KCNK2: variants seen among roughly 807,000 people sequenced by gnomAD.
The protein encoded by KCNK2 is potassium two pore domain channel subfamily K member 2.
In KCNK2, 21 loss-of-function variants were observed where a neutral mutation model predicts 40.5. The observed-to-expected ratio is 0.52, with a 90% CI of 0.37 to 0.75. The LOEUF is 0.75. Among genes scored for constraint, KCNK2 ranks in the 30% least tolerant of loss-of-function variants. KCNK2 has a pLI of 0.00. For synonymous variants in KCNK2, 191 were observed against 202.2 expected (o/e 0.94, Z 0.47); for missense variants, 399 against 531.6 (o/e 0.75, Z 2.45).
intron 2 of KCNK2, among the ~76,000 whole-genome samples, chr1:215,115,897 T>C (rs2102569556): frequency 6.6e-6 from 1 of 151,940 alleles, no homozygotes; most frequent in East Asian, 1.9e-4. Context: ...GCCGCTTCAG[T>C]GTGCTTGCTT....
At chr1:215,047,400 A>C (rs1657813946) in intron 1 of KCNK2, among the ~76,000 whole-genome samples, 1 of 152,110 alleles carries the variant, frequency 6.6e-6, no homozygotes, top group Non-Finnish European at 1.5e-5. Context: ...TTTAGAGTTG[A>C]GGCATAGTAA....
intron 6 of KCNK2, among the ~76,000 whole-genome samples, chr1:215,226,757 GA>G (rs1360764777): frequency 2.0e-5 from 3 of 151,716 alleles, no homozygotes; most frequent in African/African-American, 7.3e-5. Flanking sequence ...AAGCAGAAAG[GA>G]AAAAAGAAAG....
intron 3 of KCNK2, among the ~76,000 whole-genome samples, chr1:215,142,088 TCTACTC>T (rs541862121): frequency 3.3e-5 from 5 of 152,182 alleles, no homozygotes; most frequent in Non-Finnish European, 7.4e-5. Context: ...CTATTTCTCT[TCTACTC>T]CTTAATTACA....
intron 3 of KCNK2, among the ~76,000 whole-genome samples, chr1:215,153,910 C>T (rs1050053379): frequency 2.0e-5 from 3 of 152,142 alleles, no homozygotes; most frequent in Admixed American, 6.5e-5. Context: ...CATGTTCCTG[C>T]AAAGGACATG....
intron 5 of KCNK2, among the ~76,000 whole-genome samples, chr1:215,193,765 T>A (rs534754844): frequency 6.6e-6 from 1 of 152,184 alleles, no homozygotes; most frequent in Non-Finnish European, 1.5e-5. Flanking sequence ...GGAGTTAAGA[T>A]CAAATCTTTA....
chr1:215,183,195 A>G (rs1002365660), intron 5 of KCNK2, among the ~76,000 whole-genome samples: 1 of 152,094 alleles, frequency 6.6e-6, no homozygotes, highest in Non-Finnish European at 1.5e-5. Flanking sequence ...CATCTTGGGG[A>G]AAAAAATGAA....
intron 1 of KCNK2, among the ~76,000 whole-genome samples, chr1:215,077,584 A>G (rs1658989414): frequency 1.3e-5 from 2 of 152,064 alleles, no homozygotes; most frequent in Admixed American, 6.5e-5. Context: ...TCTGCGATGA[A>G]AATTCATCCA....
rs947301033 is a variant in KCNK2, at chr1:215,103,740, T to A, written c.357+17062T>A. 6.6e-5 allele frequency among the ~76,000 whole-genome samples: 10 copies of A among 152,226 alleles called. No individual in the cohort carries two copies. The East Asian group carries it at 1.9e-3, about 29-fold the overall frequency. ...CTTGGACAGCTGTACTGTGCTATTA[T>A]GCAAATAAGTATTTTTTGACGGGAC... On this transcript the variant is annotated intron_variant, in intron 2 of 6. Transcript: ENST00000444842.
chr1:215,016,120 T>G (rs1250400617), intron 1 of KCNK2, among the ~76,000 whole-genome samples: 2 of 151,988 alleles, frequency 1.3e-5, no homozygotes, highest in Admixed American at 6.6e-5. Flanking sequence ...AAACAACAAA[T>G]TAGGGATCTA....
intron 3 of KCNK2, among the ~76,000 whole-genome samples, chr1:215,149,697 C>T (rs74140935): frequency 6.6e-6 from 1 of 152,064 alleles, no homozygotes; most frequent in Non-Finnish European, 1.5e-5. Context: ...GTACGAAGTG[C>T]AGATAAAACT....
chr1:215,225,606 TGTCA>T (rs1426055431), intron 6 of KCNK2, among the ~76,000 whole-genome samples: 4 of 152,218 alleles, frequency 2.6e-5, no homozygotes, highest in Admixed American at 1.3e-4. Flanking sequence ...AGGAGGGCTA[TGTCA>T]GTCAATGGTC....
At chr1:215,185,430 TAGC>T (rs1558129661) in intron 5 of KCNK2, among the ~76,000 whole-genome samples, 1 of 152,142 alleles carries the variant, frequency 6.6e-6, no homozygotes, top group African/African-American at 2.4e-5. Context: ...AACGGCTGGG[TAGC>T]AGATGTGTGC....
chr1:215,166,123 G>T (rs894531977), intron 3 of KCNK2, among the ~76,000 whole-genome samples: 3 of 152,078 alleles, frequency 2.0e-5, no homozygotes, highest in African/African-American at 2.4e-5. Context: ...TAAACATGCA[G>T]TTACCTCACA....
At chr1:215,049,561 C>T (rs963018053) in intron 1 of KCNK2, among the ~76,000 whole-genome samples, 2 of 151,986 alleles carry the variant, frequency 1.3e-5, no homozygotes, top group Admixed American at 6.6e-5. Context: ...GTCAAATAAC[C>T]CTTTTCATGG....
In KCNK2 at chr1:215,032,493, G is replaced by A. The variant is rs971269096; in HGVS notation, c.34+26538G>A. Among the ~76,000 whole-genome samples, 10 of 151,972 alleles carry A rather than the reference G, an allele frequency of 6.6e-5. No homozygotes were observed. In the East Asian group the frequency reaches 1.5e-3, roughly 24 times the overall value. ...TCTTTCACTTAAACTCTGCCTTTCT[G>A]TATGTAGATTTGAGTTTCTGATCCA... On this transcript the variant is annotated intron_variant, in intron 1 of 6. Transcript: ENST00000391895.
At chr1:215,122,849 A>G (rs1387032414) in intron 2 of KCNK2, among the ~76,000 whole-genome samples, 1 of 144,798 alleles carries the variant, frequency 6.9e-6, no homozygotes, top group Non-Finnish European at 1.5e-5. Flanking sequence ...GGTTCACACC[A>G]TTCTCCTGCC....
intron 6 of KCNK2, among the ~76,000 whole-genome samples, chr1:215,233,660 C>G (rs1168482379): frequency 6.6e-6 from 1 of 152,058 alleles, no homozygotes; most frequent in Non-Finnish European, 1.5e-5. Flanking sequence ...TTAGACAGAG[C>G]TGTAGTTGTT....
intron 5 of KCNK2, among the ~76,000 whole-genome samples, chr1:215,192,489 C>T (rs990244303): frequency 6.6e-6 from 1 of 152,140 alleles, no homozygotes; most frequent in Non-Finnish European, 1.5e-5. Context: ...TGAGCATGAA[C>T]TAACTCTTCT....
chr1:215,161,948 G>A (rs973433046), intron 3 of KCNK2, among the ~76,000 whole-genome samples: 4 of 152,090 alleles, frequency 2.6e-5, no homozygotes, highest in Non-Finnish European at 5.9e-5. Flanking sequence ...AACCACTAAC[G>A]GGATTGCTGG....
Sources: gnomAD v4.1 joint callset for allele counts (sites outside exome capture counted in the v4.1 genomes callset) on GRCh38, gnomAD v4.1.1 for gene constraint, MANE v1.5 for transcripts, NCBI Gene and HGNC (gene_info 2026-07-23, HGNC 2026-07-21) for gene names.